CNOT10: variants seen among roughly 807,000 people sequenced by gnomAD.
CNOT10 encodes the protein CCR4-NOT transcription complex subunit 10.
Under a neutral mutation model 94.6 loss-of-function variants are expected in CNOT10, and 30 were observed. That is an observed-to-expected ratio of 0.32 (90% CI 0.24 to 0.43). The LOEUF is 0.43. Ranked by LOEUF, CNOT10 falls within the 20% of genes least tolerant of loss-of-function variation. The pLI, the probability that CNOT10 is intolerant of heterozygous loss-of-function variation, is 1.00. For missense variants in CNOT10, 759 were observed against 877.2 expected (o/e 0.87, Z 1.70); for synonymous variants, 289 against 301.6 (o/e 0.96, Z 0.43).
intron 1 of CNOT10, among the ~76,000 whole-genome samples, chr3:32,697,291 A>G (rs1256393444): frequency 6.6e-6 from 1 of 152,158 alleles, no homozygotes; most frequent in Non-Finnish European, 1.5e-5. Context: ...CAGTGGCCAC[A>G]TGAACTACTC....
chr3:32,759,422 A>C (rs1179395385), intron 13 of CNOT10, 36 bp from the exon 14 acceptor site: 1 of 1,403,682 alleles, frequency 7.1e-7, no homozygotes, highest in Non-Finnish European at 1.0e-6. Flanking sequence ...CAATGTTTAA[A>C]ATGAGATTTT....
At chr3:32,760,980 T>C (rs976119456) in intron 14 of CNOT10, among the ~76,000 whole-genome samples, 1 of 151,728 alleles carries the variant, frequency 6.6e-6, no homozygotes, top group Non-Finnish European at 1.5e-5. Flanking sequence ...AATATGAAAA[T>C]TAGCCGGGCA....
chr3:32,727,659 T>C lies in CNOT10; in HGVS notation c.1013-9T>C. ...TAATGATGTATTCTTATCTAATTTT[T>C]ATCACTAGGTAAAAAATTTTCAGGA... On this transcript the variant is annotated splice_polypyrimidine_tract_variant and intron_variant, in intron 9 of 18. Transcript: ENST00000328834. The C allele has an allele frequency of 6.4e-7, 1 of 1,562,998 alleles. No individual in the cohort carries two copies.
chr3:32,703,912 A>G lies in CNOT10; in HGVS notation c.67A>G (p.Ile23Val). The stretch of plus-strand genomic sequence containing the variant: ...TGAAGGCACAGGTCAGTCCTCTGGG[A>G]TCACTGATCAAGAGAAGGAGTTATC... ...KHEGTGQSSGITDQEKELSTN... is the reference protein window; with the variant it reads ...KHEGTGQSSGVTDQEKELSTN... The change falls in exon 2 of 19, where the codon ATC becomes GTC. Residue 23 changes from isoleucine to valine, a missense_variant. Physicochemically the swap from Ile to Val is conservative, Grantham distance 29. Transcript: ENST00000328834. 1 of 1,613,968 alleles carries G rather than the reference A, an allele frequency of 6.2e-7. No individual in the cohort carries two copies. Among genetic ancestry groups the G allele is most frequent in the Non-Finnish European group, 8.5e-7 (1 of 1,179,830 alleles).
intron 8 of CNOT10, among the ~76,000 whole-genome samples, chr3:32,721,064 T>G (rs868302843): frequency 0.015 from 2,058 of 137,662 alleles, 15 homozygotes; most frequent in Middle Eastern, 0.048. Context: ...TCCTTTCTTT[T>G]TTTTTTTTTT....
chr3:32,751,140 G>A (rs564833274), intron 13 of CNOT10, among the ~76,000 whole-genome samples: 51 of 152,208 alleles, frequency 3.4e-4, no homozygotes, highest in Non-Finnish European at 5.6e-4. Flanking sequence ...TTGCTCTGTC[G>A]CCCAGGCTAG....
intron 14 of CNOT10, among the ~76,000 whole-genome samples, chr3:32,761,425 CTGGG>C: frequency 6.6e-6 from 1 of 152,144 alleles, no homozygotes; most frequent in South Asian, 2.1e-4. Context: ...CTGAGTCTGT[CTGGG>C]TCACCCACAC....
At position 32,753,539 on chromosome 3, in the gene CNOT10, A is replaced by C. The variant is rs113540622; in HGVS notation, c.1596-5919A>C. The C allele has an allele frequency of 3.8e-3, 6,010 of 1,583,246 alleles. 210 individuals carry two copies. The African/African-American group carries it at 0.069, about 18-fold the overall frequency. ...GTAGTTTCAACCAAGATTGAAATTAAACTGAAAAAGCCAGAGGCTGTGAGA... is the reference window on the plus strand; with the variant it reads ...GTAGTTTCAACCAAGATTGAAATTACACTGAAAAAGCCAGAGGCTGTGAGA... On this transcript the variant is annotated intron_variant, in intron 13 of 18. Coordinates refer to ENST00000328834, the MANE Select transcript of CNOT10 (RefSeq NM_015442.3).
At chr3:32,717,109 T>C (rs375486099) in intron 6 of CNOT10, 45 bp from the exon 7 acceptor site, 129 of 1,144,274 alleles carry the variant, frequency 1.1e-4, no homozygotes, top group Non-Finnish European at 1.5e-4. Context: ...AAACTGTATG[T>C]AAATCCACCA....
chr3:32,697,638 T>C (rs1697137716), intron 1 of CNOT10, among the ~76,000 whole-genome samples: 1 of 152,050 alleles, frequency 6.6e-6, no homozygotes, highest in Non-Finnish European at 1.5e-5. Context: ...GCCTGGCTAA[T>C]TAAAACAATT....
At chr3:32,705,291 TATG>T (rs1218161064) in intron 3 of CNOT10, among the ~76,000 whole-genome samples, 9 of 152,230 alleles carry the variant, frequency 5.9e-5, no homozygotes, top group Middle Eastern at 3.4e-3. Flanking sequence ...ATGAAAAAAA[TATG>T]ATTAATCCTA....
intron 10 of CNOT10, among the ~76,000 whole-genome samples, 182 bp from the exon 11 acceptor site, chr3:32,733,241 A>G (rs895383710): frequency 2.0e-5 from 3 of 152,112 alleles, no homozygotes; most frequent in East Asian, 1.9e-4. Flanking sequence ...CATATCCCAG[A>G]TTTTCAGCCT....
chr3:32,696,837 C>T (rs1441544841), intron 1 of CNOT10, among the ~76,000 whole-genome samples: 3 of 152,176 alleles, frequency 2.0e-5, no homozygotes, highest in Non-Finnish European at 4.4e-5. Context: ...CTCAGCCTCC[C>T]GAAGTGCTGG....
At chr3:32,749,875 A>G (rs1699882984) in intron 13 of CNOT10, among the ~76,000 whole-genome samples, 1 of 152,048 alleles carries the variant, frequency 6.6e-6, no homozygotes, top group Non-Finnish European at 1.5e-5. Context: ...GTTCCCCCAC[A>G]TACCTATGGA....
chr3:32,750,288 A>G (rs1210603776), intron 13 of CNOT10, among the ~76,000 whole-genome samples: 3 of 152,186 alleles, frequency 2.0e-5, no homozygotes, highest in Non-Finnish European at 4.4e-5. Flanking sequence ...TGAGGTCAGG[A>G]GTTCGAGACC....
chr3:32,754,005 C>G, intron 13 of CNOT10: 1 of 565,744 alleles, frequency 1.8e-6, no homozygotes, highest in Non-Finnish European at 2.9e-6. Context: ...GCCACCAAGG[C>G]AGGAGAATTG....
chr3:32,729,760 C>CTTT lies in CNOT10; in HGVS notation c.1215+1914_1215+1916dup, dbSNP rs10590243. On this transcript the variant is annotated intron_variant, in intron 10 of 18. Transcript: ENST00000328834. ...ACAGTTCTAGGCAGAATTTATACTT[C>CTTT]TTTTTTTTTTTTTTTTTTTTTTTTT... Among the ~76,000 whole-genome samples the CTTT allele has an allele frequency of 4.2e-4, 30 of 71,724 alleles. 3 individuals carry two copies. The highest frequency in any genetic ancestry group is 6.1e-4 in the African/African-American group (11 of 18,004). The allele number at this position is 71,724 out of a possible 152,430, so 47.1% of individuals were successfully genotyped here. A position where few individuals can be genotyped will look rare whatever the true frequency, so the allele number is the denominator to read the frequency against.
intron 10 of CNOT10, among the ~76,000 whole-genome samples, chr3:32,729,763 T>C (rs1037367215): frequency 3.7e-5 from 2 of 54,638 alleles, no homozygotes; most frequent in Admixed American, 2.4e-4. Flanking sequence ...TATACTTCTT[T>C]TTTTTTTTTT....
At chr3:32,708,854 C>G (rs758596995) in intron 4 of CNOT10, 34 bp downstream of exon 4, 4 of 1,553,606 alleles carry the variant, frequency 2.6e-6, no homozygotes, top group Non-Finnish European at 3.5e-6. Flanking sequence ...ATTTCCCTAT[C>G]TTCCCTATAC....
Sources: gnomAD v4.1 joint callset for allele counts (sites outside exome capture counted in the v4.1 genomes callset) on GRCh38, gnomAD v4.1.1 for gene constraint, MANE v1.5 for transcripts, NCBI Gene and HGNC (gene_info 2026-07-23, HGNC 2026-07-21) for gene names.